The following VPS37A variants were observed in gnomAD, a reference collection of about 807,000 sequenced individuals.
The protein encoded by VPS37A is VPS37A subunit of ESCRT-I.
A neutral mutation model predicts 49.8 loss-of-function variants in VPS37A; 30 were observed. The observed-to-expected ratio is 0.60, with a 90% CI of 0.45 to 0.82. The LOEUF (loss-of-function observed/expected upper bound fraction) is 0.82. Ranked by LOEUF, VPS37A falls within the 40% of genes least tolerant of loss-of-function variation. The pLI, the probability that VPS37A is intolerant of heterozygous loss-of-function variation, is 0.00. For missense variants in VPS37A, 593 were observed against 464.4 expected, an observed-to-expected ratio of 1.28 and a Z score of -2.55; for synonymous variants, 195 against 160.6, an observed-to-expected ratio of 1.21 and a Z score of -1.62.
At chr8:17,300,388 A>ACTTCACGACC, downstream of VPS37A, 2 of 685,794 alleles carry the variant, frequency 2.9e-6, no homozygotes, top group Middle Eastern at 8.3e-4. Context: ...CTTGGACAAA[A>ACTTCACGACC]TCTGTGAGGC....
At chr8:17,286,563 T>C in intron 11 of VPS37A, 136 bp downstream of exon 11, 1 of 659,840 alleles carries the variant, frequency 1.5e-6, no homozygotes, top group Non-Finnish European at 2.5e-6. Context: ...TAACATAGAA[T>C]GCTTTGTATT....
chr8:17,311,413 T>A, the VPS37A span: 1 of 1,511,124 alleles, frequency 6.6e-7, no homozygotes, highest in Non-Finnish European at 9.0e-7. Flanking sequence ...AGAAAAATAA[T>A]GCTGGCAAGA....
In VPS37A at chr8:17,256,290, ATTTTTTTTTTTTTTT is replaced by A. The variant is rs529736602; in HGVS notation, c.125+8935_125+8949del. Among the ~76,000 whole-genome samples the A allele has an allele frequency of 7.3e-3, 443 of 60,424 alleles. 4 individuals are homozygous for A. Among genetic ancestry groups the A allele is most frequent in the African/African-American group, 0.028 (389 of 13,760 alleles). The allele number at this position is 60,424 out of a possible 152,430, so 39.6% of individuals were successfully genotyped here. A position where few individuals can be genotyped will look rare whatever the true frequency, so the allele number is the denominator to read the frequency against. On this transcript the variant is annotated intron_variant, in intron 1 of 11. Transcript: ENST00000324849. Reference sequence around the variant, plus strand: ...AAGTCTTTTTAGCTGGGGTAAAATGATTTTTTTTTTTTTTTTTTTTTTTTTTTTGGAGATAGGGTC... The same window carrying A: ...AAGTCTTTTTAGCTGGGGTAAAATGATTTTTTTTTTTTTGGAGATAGGGTC...
chr8:17,275,726 A>G (rs748682746), intron 5 of VPS37A, among the ~76,000 whole-genome samples: 9 of 152,226 alleles, frequency 5.9e-5, no homozygotes, highest in East Asian at 1.9e-4. Context: ...AAACCTTTCA[A>G]TTAAAACCCT....
chr8:17,248,562 C>T, intron 1 of VPS37A: 1 of 313,876 alleles, frequency 3.2e-6, no homozygotes, highest in Non-Finnish European at 6.3e-6. Context: ...AGGAATAAGC[C>T]ACCTCGCCGG....
chr8:17,272,997 A>G (rs1395579450), intron 4 of VPS37A, among the ~76,000 whole-genome samples: 1 of 96,766 alleles, frequency 1.0e-5, no homozygotes, highest in Admixed American at 9.6e-5. Context: ...CCTTTTTTAT[A>G]TGAATGGTAG....
the VPS37A span, chr8:17,311,361 T>A: frequency 2.9e-6 from 3 of 1,032,664 alleles, no homozygotes; most frequent in Non-Finnish European, 2.8e-6. Flanking sequence ...CTGATTAAAT[T>A]AATCTTGATC....
At chr8:17,309,309 G>T in the VPS37A span, 1 of 1,567,964 alleles carries the variant, frequency 6.4e-7, no homozygotes, top group Non-Finnish European at 8.8e-7. Context: ...AGGAAATCCA[G>T]TCCTTTTCAA....
At chr8:17,254,555 C>A (rs1461633448) in intron 1 of VPS37A, among the ~76,000 whole-genome samples, 1 of 152,162 alleles carries the variant, frequency 6.6e-6, no homozygotes, top group Non-Finnish European at 1.5e-5. Flanking sequence ...CTTAGAGGAC[C>A]TTCAAACTGC....
chr8:17,253,929 A>T (rs1812202862), intron 1 of VPS37A, among the ~76,000 whole-genome samples: 1 of 152,132 alleles, frequency 6.6e-6, no homozygotes, highest in African/African-American at 2.4e-5. Context: ...TTTTGGAGCT[A>T]TTTGTTTTAA....
chr8:17,254,877 T>G (rs755052704), intron 1 of VPS37A, among the ~76,000 whole-genome samples: 118 of 152,290 alleles, frequency 7.7e-4, no homozygotes, highest in Non-Finnish European at 1.0e-3. Context: ...TCATAGAGAT[T>G]TAGATAGGAT....
intron 4 of VPS37A, 37 bp from the exon 5 acceptor site, chr8:17,274,696 A>G (rs1451845030): frequency 3.3e-6 from 5 of 1,535,988 alleles, no homozygotes; most frequent in African/African-American, 1.4e-5. Flanking sequence ...TTTTATCCAT[A>G]AAATCTAATG....
At chr8:17,269,989 C>T (rs898290992) in intron 4 of VPS37A, among the ~76,000 whole-genome samples, 5 of 152,026 alleles carry the variant, frequency 3.3e-5, no homozygotes, top group Non-Finnish European at 4.4e-5. Flanking sequence ...CTTTTACTCC[C>T]GGTAGAAGGT....
downstream of VPS37A, among the ~76,000 whole-genome samples, chr8:17,307,363 G>T (rs550267297): frequency 6.6e-6 from 1 of 152,110 alleles, no homozygotes; most frequent in Non-Finnish European, 1.5e-5. Flanking sequence ...TTAGAATGGC[G>T]ATCATTAAAA....
chr8:17,247,958 C>G (rs980111052), intron 1 of VPS37A: 5 of 585,512 alleles, frequency 8.5e-6, no homozygotes, highest in Non-Finnish European at 1.5e-5. Flanking sequence ...TTTCTCACTT[C>G]TTTCATAGTC....
the VPS37A span, among the ~76,000 whole-genome samples, chr8:17,330,624 G>C: frequency 1.3e-5 from 2 of 152,216 alleles, no homozygotes; most frequent in Non-Finnish European, 2.9e-5. Context: ...CTGTGGGTAC[G>C]TGTCTTGTCA....
At chr8:17,307,388 AG>A (rs1322513482), downstream of VPS37A, among the ~76,000 whole-genome samples, 1 of 152,210 alleles carries the variant, frequency 6.6e-6, no homozygotes, top group Non-Finnish European at 1.5e-5. Flanking sequence ...AGGAAACAAC[AG>A]GTGCTGGAGA....
chr8:17,331,786 C>G, the VPS37A span, among the ~76,000 whole-genome samples: 1 of 152,112 alleles, frequency 6.6e-6, no homozygotes, highest in African/African-American at 2.4e-5. Context: ...CCTCAGATGC[C>G]CAGTTAAACC....
intron 1 of VPS37A, among the ~76,000 whole-genome samples, chr8:17,256,451 T>C (rs1017642322): frequency 1.3e-5 from 2 of 151,634 alleles, no homozygotes; most frequent in Non-Finnish European, 2.9e-5. Context: ...TTTTGAGAAA[T>C]GTTTGTTGAG....
Sources: allele counts gnomAD v4.1 joint callset (sites outside exome capture counted in the v4.1 genomes callset), GRCh38; gene constraint gnomAD v4.1.1; transcripts MANE v1.5; gene names NCBI Gene and HGNC (gene_info 2026-07-23, HGNC 2026-07-21).